NPAS3: variants seen among roughly 807,000 people sequenced by gnomAD.
NPAS3 encodes neuronal PAS domain protein 3, also known as neuronal PAS domain-containing protein 3.
Under a neutral mutation model 73.1 loss-of-function variants are expected in NPAS3, and 14 were observed. That is an observed-to-expected ratio of 0.19 (90% confidence interval 0.13 to 0.30). The LOEUF (loss-of-function observed/expected upper bound fraction) is 0.30, where lower values mean the gene tolerates loss of function less well. Ranked by LOEUF, NPAS3 falls within the 10% of genes least tolerant of loss-of-function variation. The pLI is 1.00. For synonymous variants in NPAS3, 620 were observed against 541.5 expected (o/e 1.14, Z -2.01); for missense variants, 1,096 against 1,250.0 (o/e 0.88, Z 1.86).
intron 4 of NPAS3, among the ~76,000 whole-genome samples, chr14:33,520,993 G>C (rs1595077260): frequency 6.6e-6 from 1 of 152,272 alleles, no homozygotes; most frequent in Non-Finnish European, 1.5e-5. Context: ...AGAGGTCATT[G>C]TTGTATCTGA....
At chr14:33,509,947 C>G (rs1328157898) in intron 4 of NPAS3, among the ~76,000 whole-genome samples, 2 of 152,028 alleles carry the variant, frequency 1.3e-5, no homozygotes. Flanking sequence ...AACCTAGCAT[C>G]AAATCTAAAG....
chr14:33,597,370 A>T (rs533880320), intron 5 of NPAS3, among the ~76,000 whole-genome samples: 48 of 152,332 alleles, frequency 3.2e-4, no homozygotes, highest in African/African-American at 9.9e-4. Flanking sequence ...AGATATTTTT[A>T]AAAAAGAGGA....
At chr14:33,567,419 C>A (rs1438715525) in intron 5 of NPAS3, among the ~76,000 whole-genome samples, 1 of 152,132 alleles carries the variant, frequency 6.6e-6, no homozygotes, top group Non-Finnish European at 1.5e-5. Context: ...ATAAAGAGAT[C>A]ACAGTAGTAC....
intron 2 of NPAS3, among the ~76,000 whole-genome samples, chr14:33,137,587 CT>C (rs1193990225): frequency 6.6e-6 from 1 of 152,072 alleles, no homozygotes; most frequent in Non-Finnish European, 1.5e-5. Context: ...CAGATTTTTG[CT>C]GTTTGTGTCT....
At chr14:33,294,914 G>A (rs1372301877) in intron 3 of NPAS3, among the ~76,000 whole-genome samples, 1 of 152,146 alleles carries the variant, frequency 6.6e-6, no homozygotes, top group Middle Eastern at 3.2e-3. Flanking sequence ...GAAGGAATGT[G>A]GGGCCAGATC....
chr14:33,333,619 A>G (rs990676806), intron 3 of NPAS3, among the ~76,000 whole-genome samples: 4 of 152,264 alleles, frequency 2.6e-5, no homozygotes, highest in South Asian at 2.1e-4. Context: ...TGCATTTAGT[A>G]TGGAAGAATC....
downstream of NPAS3, chr14:33,802,408 A>G (rs568019878): frequency 6.6e-6 from 1 of 151,536 alleles, no homozygotes; most frequent in Admixed American, 6.6e-5. Context: ...AAAAAGAAAA[A>G]GAAAAAGAAA....
At chr14:33,405,692 T>TA (rs1213418870) in intron 4 of NPAS3, among the ~76,000 whole-genome samples, 10 of 152,146 alleles carry the variant, frequency 6.6e-5, no homozygotes, top group African/African-American at 2.2e-4. Context: ...AATCTCACAG[T>TA]ATCTATAGGA....
intron 2 of NPAS3, among the ~76,000 whole-genome samples, chr14:33,103,986 T>A (rs2042650110): frequency 6.6e-6 from 1 of 152,094 alleles, no homozygotes; most frequent in African/African-American, 2.4e-5. Context: ...AATATGCTGT[T>A]GACAAAAAGA....
In NPAS3 at chr14:33,676,377, C is replaced by T. The variant is rs2059767208; in HGVS notation, c.725C>T (p.Pro242Leu). The T allele has an allele frequency of 1.9e-6, 3 of 1,565,804 alleles. No individual in the cohort carries two copies. The South Asian group carries it at 3.6e-5, about 19-fold the overall frequency. Residue 242 changes from proline (P) to leucine (L), a missense_variant, in exon 6 of 12, where the codon CCC becomes CTC. Transcript: ENST00000356141. The stretch of plus-strand genomic sequence containing the variant: ...TCTTCCTCCTCTCAGTCGGAGACCC[C>T]CGAGCCAGGTGGGAATTGCAAACCC...
chr14:33,483,841 G>A (rs1489374725), intron 4 of NPAS3, among the ~76,000 whole-genome samples: 1 of 152,052 alleles, frequency 6.6e-6, no homozygotes. Context: ...CTTTTTTCTG[G>A]ACCTCAACAG....
intron 2 of NPAS3, among the ~76,000 whole-genome samples, chr14:33,175,356 A>T (rs1025096458): frequency 1.3e-5 from 2 of 152,160 alleles, no homozygotes; most frequent in Non-Finnish European, 2.9e-5. Flanking sequence ...CATTAAAAAA[A>T]TTTGTACAAA....
At chr14:33,617,851 A>G (rs563190237) in intron 5 of NPAS3, among the ~76,000 whole-genome samples, 29 of 152,154 alleles carry the variant, frequency 1.9e-4, no homozygotes, top group Non-Finnish European at 3.5e-4. Context: ...GAGGTCTCTA[A>G]GAGTCTTTGC....
Position 33,337,757 on chromosome 14 carries a change from T to C in NPAS3, c.386-29429T>C, listed in dbSNP as rs1330420937. 1.1e-4 allele frequency among the ~76,000 whole-genome samples: 17 copies of C among 152,146 alleles called. No individual in the cohort carries two copies. The East Asian group carries it at 2.9e-3, about 26-fold the overall frequency. On this transcript the variant is annotated intron_variant, in intron 3 of 11. Coordinates refer to ENST00000356141, the Ensembl canonical transcript of NPAS3. ...TTATTTAAATCTTTAAAAATATTTATCAGCAATGTTTTGTGTCAGTGTACA... is the reference window on the plus strand; with the variant it reads ...TTATTTAAATCTTTAAAAATATTTACCAGCAATGTTTTGTGTCAGTGTACA...
intron 6 of NPAS3, among the ~76,000 whole-genome samples, chr14:33,699,517 C>T (rs991045118): frequency 1.2e-4 from 19 of 152,114 alleles, no homozygotes; most frequent in African/African-American, 4.6e-4. Flanking sequence ...TGGCTGCATT[C>T]GTGGAAGAGG....
intron 4 of NPAS3, among the ~76,000 whole-genome samples, chr14:33,396,969 C>A (rs951924856): frequency 2.0e-5 from 3 of 152,036 alleles, no homozygotes; most frequent in Non-Finnish European, 4.4e-5. Flanking sequence ...TAGACCTTCC[C>A]TGTGTCATAT....
At chr14:33,414,899 C>T (rs1222983290) in intron 4 of NPAS3, among the ~76,000 whole-genome samples, 1 of 152,038 alleles carries the variant, frequency 6.6e-6, no homozygotes, top group Non-Finnish European at 1.5e-5. Flanking sequence ...TTGTGGAATT[C>T]TAGAGTAACA....
intron 6 of NPAS3, among the ~76,000 whole-genome samples, chr14:33,686,849 T>C (rs367956749): frequency 1.1e-4 from 16 of 152,308 alleles, no homozygotes; most frequent in African/African-American, 3.8e-4. Flanking sequence ...CAGGCAGCTC[T>C]GTTTGAGTAG....
At chr14:32,957,574 G>C (rs2139192616) in intron 1 of NPAS3, among the ~76,000 whole-genome samples, 1 of 152,000 alleles carries the variant, frequency 6.6e-6, no homozygotes, top group Non-Finnish European at 1.5e-5. Context: ...GGGTTTCACT[G>C]TGTTAGCCAG....
Sources: gnomAD v4.1 joint callset for allele counts (sites outside exome capture counted in the v4.1 genomes callset) on GRCh38, gnomAD v4.1.1 for gene constraint, MANE v1.5 for transcripts, NCBI Gene and HGNC (gene_info 2026-07-23, HGNC 2026-07-21) for gene names.